Variants in SCMH1 observed in about 807,000 individuals in gnomAD.
SCMH1 encodes the protein Scm polycomb group protein homolog 1.
A neutral mutation model predicts 70.8 loss-of-function variants in SCMH1; 37 were observed. The ratio of observed to expected loss-of-function variants is 0.52; its 90% confidence interval spans 0.40 to 0.69. The LOEUF (loss-of-function observed/expected upper bound fraction) is 0.69. SCMH1 is among the 30% of genes least tolerant of loss of function. The pLI is 0.00. For synonymous variants in SCMH1, 292 were observed against 307.4 expected, an observed-to-expected ratio of 0.95 and a Z score of 0.52; for missense variants, 607 against 827.3, an observed-to-expected ratio of 0.73 and a Z score of 3.27.
In SCMH1 at chr1:41,113,580, C is replaced by T. The variant is rs1175265885; in HGVS notation, c.502-54G>A. On this transcript the variant is annotated intron_variant, in intron 7 of 14. Coordinates refer to ENST00000337495, the Ensembl canonical transcript of SCMH1. This position sits in a 1 kb window ranked among gnomAD's most constrained non-coding sequence, Gnocchi z 4.3. ...TAGACACAAAGAGAGGCCATTATGC[C>T]AATAGACTACTATCTAATTTGGATG... is the stretch of plus-strand genomic sequence containing the variant. 3 of 1,550,186 alleles carry T rather than the reference C, an allele frequency of 1.9e-6. No individual in the cohort carries two copies. The East Asian group carries it at 6.8e-5, about 35-fold the overall frequency.
At chr1:41,199,503 A>G (rs1653798309) in intron 1 of SCMH1, among the ~76,000 whole-genome samples, 1 of 152,202 alleles carries the variant, frequency 6.6e-6, no homozygotes, top group Non-Finnish European at 1.5e-5. Context: ...AAAGCACCCA[A>G]CAATTCTGGC....
chr1:41,207,005 C>T (rs1036111073), intron 1 of SCMH1, among the ~76,000 whole-genome samples: 3 of 152,152 alleles, frequency 2.0e-5, no homozygotes, highest in African/African-American at 7.2e-5. Flanking sequence ...GATTTTGTCA[C>T]CACCAGGCCT....
At chr1:41,239,220 T>G (rs1274413709) in intron 1 of SCMH1, among the ~76,000 whole-genome samples, 1 of 152,214 alleles carries the variant, frequency 6.6e-6, no homozygotes, top group Non-Finnish European at 1.5e-5. Context: ...CATCACTTAT[T>G]GTTATATTCC....
At chr1:41,233,825 T>C (rs1488781885) in intron 1 of SCMH1, among the ~76,000 whole-genome samples, 4 of 152,206 alleles carry the variant, frequency 2.6e-5, no homozygotes, top group East Asian at 1.9e-4. Context: ...GCTTATGGTA[T>C]AGTGATTCAG....
At chr1:41,165,864 G>A (rs1392149906) in intron 2 of SCMH1, among the ~76,000 whole-genome samples, 2 of 151,878 alleles carry the variant, frequency 1.3e-5, no homozygotes, top group African/African-American at 4.8e-5. Flanking sequence ...CCTTTTCTAT[G>A]CAGTAGCTTT....
intron 1 of SCMH1, among the ~76,000 whole-genome samples, chr1:41,196,721 C>G (rs1653103108): frequency 2.0e-5 from 3 of 152,128 alleles, no homozygotes; most frequent in Non-Finnish European, 2.9e-5. Context: ...AAATGAAAAA[C>G]TGTTGTGCAT....
intron 8 of SCMH1, among the ~76,000 whole-genome samples, chr1:41,112,351 C>G (rs1669455125): frequency 6.6e-6 from 1 of 152,050 alleles, no homozygotes; most frequent in South Asian, 2.1e-4. Flanking sequence ...CTTTTCATTC[C>G]CTCAGATTCA....
intron 2 of SCMH1, among the ~76,000 whole-genome samples, chr1:41,167,755 T>C (rs1307048777): frequency 6.6e-6 from 1 of 152,202 alleles, no homozygotes; most frequent in Non-Finnish European, 1.5e-5. Flanking sequence ...GTTTTCACGT[T>C]GCTGATTAAC....
chr1:41,116,561 GTC>G (rs1670516416), intron 7 of SCMH1, among the ~76,000 whole-genome samples: 1 of 152,184 alleles, frequency 6.6e-6, no homozygotes, highest in Non-Finnish European at 1.5e-5. Context: ...AATAAAAAAA[GTC>G]TCCTTCTTTT....
intron 10 of SCMH1, among the ~76,000 whole-genome samples, chr1:41,053,842 GTTTTGTTTTT>G (rs1649184511): frequency 6.6e-6 from 1 of 151,080 alleles, no homozygotes; most frequent in Non-Finnish European, 1.5e-5. Context: ...TTTTTTTTTT[GTTTTGTTTTT>G]TTTTGTTTTT....
chr1:41,177,295 C>CA (rs1647241025), intron 2 of SCMH1, among the ~76,000 whole-genome samples: 1 of 152,172 alleles, frequency 6.6e-6, no homozygotes, highest in African/African-American at 2.4e-5. Flanking sequence ...GGGGAAAAAA[C>CA]AGAGCAGAAA....
At chr1:41,197,577 T>C (rs1653326889) in intron 1 of SCMH1, among the ~76,000 whole-genome samples, 1 of 152,128 alleles carries the variant, frequency 6.6e-6, no homozygotes, top group South Asian at 2.1e-4. Flanking sequence ...ACAGAATTTC[T>C]ATTTGGGATG....
At chr1:41,241,847 TCCGGGCTCGGGG>T (rs1386842727) in intron 1 of SCMH1, among the ~76,000 whole-genome samples, 200 bp downstream of exon 1, 1 of 151,406 alleles carries the variant, frequency 6.6e-6, no homozygotes, top group Non-Finnish European at 1.5e-5. Flanking sequence ...AGAGCCGGCC[TCCGGGCTCGGGG>T]CCGGGCTGAC....
intron 2 of SCMH1, among the ~76,000 whole-genome samples, chr1:41,179,681 GAATAGACC>G (rs1648123392): frequency 6.6e-6 from 1 of 152,072 alleles, no homozygotes; most frequent in African/African-American, 2.4e-5. Flanking sequence ...TTGAATCTCT[GAATAGACC>G]AATAACAGGC....
intron 10 of SCMH1, among the ~76,000 whole-genome samples, chr1:41,054,887 A>G (rs1167999461): frequency 6.6e-6 from 1 of 152,138 alleles, no homozygotes; most frequent in Non-Finnish European, 1.5e-5. Context: ...GGGCTCAACC[A>G]GTCCTCCCAC....
chr1:41,203,647 A>G (rs531203834), intron 1 of SCMH1, among the ~76,000 whole-genome samples: 12 of 152,346 alleles, frequency 7.9e-5, no homozygotes, highest in East Asian at 1.9e-4. Flanking sequence ...ACTGGAATGA[A>G]GGCAAGGAAC....
intron 1 of SCMH1, among the ~76,000 whole-genome samples, chr1:41,229,633 T>G (rs926315208): frequency 2.6e-5 from 4 of 151,980 alleles, no homozygotes; most frequent in African/African-American, 9.7e-5. Context: ...GAGAAATACC[T>G]AATGTAAATG....
chr1:41,126,842 A>G (rs1300249477), intron 6 of SCMH1, among the ~76,000 whole-genome samples: 1 of 152,126 alleles, frequency 6.6e-6, no homozygotes, highest in Non-Finnish European at 1.5e-5. Context: ...ATATTGCTTT[A>G]TTTTTGTGGC....
At chr1:41,158,947 G>A (rs1041985744) in intron 4 of SCMH1, among the ~76,000 whole-genome samples, 2 of 152,122 alleles carry the variant, frequency 1.3e-5, no homozygotes, top group Non-Finnish European at 2.9e-5. Flanking sequence ...TACAAAAAGA[G>A]CAAATTTTTG....
Sources: allele counts gnomAD v4.1 joint callset (sites outside exome capture counted in the v4.1 genomes callset), GRCh38; gene constraint gnomAD v4.1.1; non-coding constraint Gnocchi (gnomAD v3.1); transcripts MANE v1.5; gene names NCBI Gene and HGNC (gene_info 2026-07-23, HGNC 2026-07-21).